SLCO4C1: variants seen among roughly 807,000 people sequenced by gnomAD.
SLCO4C1 encodes the protein solute carrier organic anion transporter family member 4C1, also known as organic anion transporter M1.
SLCO4C1 carries 58 observed loss-of-function variants against 72.1 expected under a neutral mutation model. That is an observed-to-expected ratio of 0.80 (90% CI 0.65 to 1.00). The LOEUF (loss-of-function observed/expected upper bound fraction) is 1.00. SLCO4C1 is among the 50% of genes least tolerant of loss of function. The pLI, the probability that SLCO4C1 is intolerant of heterozygous loss-of-function variation, is 0.00. For synonymous variants in SLCO4C1, 297 were observed against 312.5 expected (o/e 0.95, Z 0.52); for missense variants, 898 against 857.9 (o/e 1.05, Z -0.58).
chr5:102,277,179 T>C (rs1290258810), intron 2 of SLCO4C1, among the ~76,000 whole-genome samples: 1 of 151,134 alleles, frequency 6.6e-6, no homozygotes, highest in Non-Finnish European at 1.5e-5. Flanking sequence ...GGCAGAAAAA[T>C]TATACAGTAA....
At position 102,295,968 on chromosome 5, in the gene SLCO4C1, G is replaced by A. The variant is rs777183382; in HGVS notation, c.295C>T (p.Gln99Ter). Residue 99 changes from glutamine to a stop codon, truncating the protein, a stop_gained, in exon 1 of 13, where the codon CAG (glutamine) becomes TAG (stop). Transcript: ENST00000310954. LOFTEE classifies it high-confidence loss of function. ...AAGCCTCCAGGTGTGTTGCAGCGCT[G>A]GAGACATTGAGGATGGAAGTTCCTC... is the stretch of plus-strand genomic sequence containing the variant. ...GWRNFHPQCL[Q>*]RCNTPGGFLL... is the part of the protein sequence containing the mutation. 1 of 1,614,256 alleles carries A rather than the reference G, an allele frequency of 6.2e-7. No individual in the cohort carries two copies. Among genetic ancestry groups the A allele is most frequent in the Non-Finnish European group, 8.5e-7 (1 of 1,180,042 alleles).
chr5:102,234,520 T>C lies in SLCO4C1; in HGVS notation c.*2338A>G, dbSNP rs1405726149. The C allele has an allele frequency of 6.6e-6, 1 of 152,568 alleles. No individual in the cohort carries two copies. The allele number at this position is 152,568 out of a possible 1,614,324, so 9.5% of individuals were successfully genotyped here. A position where few individuals can be genotyped will look rare whatever the true frequency, so the allele number is the denominator to read the frequency against. On this transcript the variant is annotated 3_prime_UTR_variant, in exon 13 of 13. Transcript: ENST00000310954. ...AAGTATCACCTTATAAAACTGAGTA[T>C]ATAAAATACAATGCAGCCCTTGATA...
chr5:102,254,396 A>G (rs547381784), intron 8 of SLCO4C1, among the ~76,000 whole-genome samples: 6 of 152,152 alleles, frequency 3.9e-5, no homozygotes, highest in African/African-American at 4.8e-5. Context: ...ACCTTGCAAA[A>G]TTTCAAACTT....
chr5:102,275,885 G>A (rs1749238258), intron 2 of SLCO4C1, among the ~76,000 whole-genome samples: 1 of 151,996 alleles, frequency 6.6e-6, no homozygotes, highest in Non-Finnish European at 1.5e-5. Flanking sequence ...AAAAAGACTG[G>A]TTAGAATCAT....
chr5:102,270,716 AGTT>A lies in SLCO4C1; in HGVS notation c.707_709del (p.Gln236del), dbSNP rs1229789572. The A allele has an allele frequency of 6.2e-7, 1 of 1,613,120 alleles. No individual in the cohort carries two copies. Among genetic ancestry groups the A allele is most frequent in the Non-Finnish European group, 8.5e-7 (1 of 1,179,530 alleles). The stretch of plus-strand genomic sequence containing the variant: ...AGGAGTTCCTCCTGCCCCCAGCAAT[AGTT>A]GTCCCAAGATGAAGACATACAAGTA... On this transcript the variant is annotated inframe_deletion, in exon 3 of 13. Coordinates refer to ENST00000310954, the MANE Select transcript of SLCO4C1 (RefSeq NM_180991.5).
rs763817487 is a variant in SLCO4C1, at chr5:102,257,171, A to C, written c.1413T>G (p.Phe471Leu). ...GCTCATTTTCACATTTGGCATACAT[A>C]AATACAAAACTCAGCGTAAGTGCAA... is the stretch of plus-strand genomic sequence containing the variant. ...SGVALTLSFV[F>L]MYAKCENEPF... Residue 471 changes from phenylalanine (F) to leucine (L), a missense_variant, in exon 8 of 13, where the codon TTT (phenylalanine) becomes TTG (leucine). Coordinates refer to ENST00000310954, the MANE Select transcript of SLCO4C1 (RefSeq NM_180991.5). The C allele has an allele frequency of 6.2e-7, 1 of 1,606,256 alleles. No individual in the cohort carries two copies. The highest frequency in any genetic ancestry group is 2.3e-5 in the East Asian group (1 of 44,336).
intron 1 of SLCO4C1, among the ~76,000 whole-genome samples, chr5:102,293,571 T>A (rs1749594140): frequency 6.6e-6 from 1 of 152,218 alleles, no homozygotes; most frequent in African/African-American, 2.4e-5. Context: ...CTGGGTTAAA[T>A]AAACTCATTC....
At chr5:102,239,786 T>C (rs999932049) in intron 11 of SLCO4C1, among the ~76,000 whole-genome samples, 4 of 152,046 alleles carry the variant, frequency 2.6e-5, no homozygotes, top group Admixed American at 6.6e-5. Context: ...ATGTTGTATC[T>C]ATGTGGGTGT....
chr5:102,242,391 C>T (rs1748561718), intron 10 of SLCO4C1, among the ~76,000 whole-genome samples: 1 of 152,200 alleles, frequency 6.6e-6, no homozygotes, highest in African/African-American at 2.4e-5. Flanking sequence ...GGTATTACTC[C>T]TCCACTAATC....
chr5:102,257,325 G>T lies in SLCO4C1; in HGVS notation c.1274-15C>A, dbSNP rs770245407. The T allele has an allele frequency of 1.2e-5, 18 of 1,565,176 alleles. 1 individual carries two copies. Among genetic ancestry groups the T allele is most frequent in the Non-Finnish European group, 1.6e-5 (18 of 1,161,272 alleles). On this transcript the variant is annotated splice_polypyrimidine_tract_variant and intron_variant, in intron 7 of 12. Transcript: ENST00000310954. ...TAAAACAGCCCCTAATAAGAAAAAA[G>T]AATGTAGATTGTGAGAAACCATACA...
At chr5:102,295,283 A>G (rs1749627719) in intron 1 of SLCO4C1, among the ~76,000 whole-genome samples, 1 of 152,246 alleles carries the variant, frequency 6.6e-6, no homozygotes, top group Non-Finnish European at 1.5e-5. Context: ...CAGATGCTGG[A>G]TAACTAATGT....
intron 3 of SLCO4C1, among the ~76,000 whole-genome samples, chr5:102,269,555 C>T (rs1749110273): frequency 6.6e-6 from 1 of 152,206 alleles, no homozygotes; most frequent in African/African-American, 2.4e-5. Context: ...TGACATCTAT[C>T]TCTCTTGAAT....
At chr5:102,266,208 G>A (rs976190198) in intron 3 of SLCO4C1, among the ~76,000 whole-genome samples, 3 of 152,198 alleles carry the variant, frequency 2.0e-5, no homozygotes, top group East Asian at 3.9e-4. Flanking sequence ...TTTTGGTGGA[G>A]TCTTTAGATG....
chr5:102,245,972 TG>T (rs1162916014), intron 10 of SLCO4C1, among the ~76,000 whole-genome samples: 3 of 151,680 alleles, frequency 2.0e-5, no homozygotes, highest in Admixed American at 6.6e-5. Flanking sequence ...AGAAGAAAAT[TG>T]AAAAATTTAT....
At chr5:102,274,139 A>G (rs943813345) in intron 2 of SLCO4C1, among the ~76,000 whole-genome samples, 1 of 152,146 alleles carries the variant, frequency 6.6e-6, no homozygotes, top group Non-Finnish European at 1.5e-5. Context: ...ATAACACACC[A>G]TTTTATAGAA....
intron 2 of SLCO4C1, 129 bp downstream of exon 2, chr5:102,291,214 A>C (rs999390544): frequency 5.2e-5 from 49 of 943,920 alleles, no homozygotes; most frequent in Admixed American, 2.0e-4. Flanking sequence ...CACAATGAAC[A>C]AACCAGTGAG....
rs562197527 is a variant in SLCO4C1 at position 102,289,866 on chromosome 5, TACTTACCTAATAAGTGCACTTCTA to T, written c.619+1453_619+1476del. On this transcript the variant is annotated intron_variant, in intron 2 of 12. Transcript: ENST00000310954. ...CTATTTTTACTTCTAAAATGAAGCC[TACTTACCTAATAAGTGCACTTCTA>T]AAACCATGCTGTGTAATATATAATT... Among the ~76,000 whole-genome samples, 567 of 152,354 alleles carry T rather than the reference TACTTACCTAATAAGTGCACTTCTA, an allele frequency of 3.7e-3. 2 individuals carry two copies. The highest frequency in any genetic ancestry group is 0.013 in the African/African-American group (546 of 41,588).
At chr5:102,262,768 AT>A (rs1580252274) in intron 4 of SLCO4C1, among the ~76,000 whole-genome samples, 1 of 152,128 alleles carries the variant, frequency 6.6e-6, no homozygotes, top group East Asian at 1.9e-4. Context: ...AACTCCTGTA[AT>A]TTTCCACTGA....
chr5:102,260,351 TATATATTATACATATA>T (rs1748916524), intron 5 of SLCO4C1, 32 bp from the exon 6 acceptor site: 2 of 266,486 alleles, frequency 7.5e-6, no homozygotes, highest in Non-Finnish European at 1.2e-5. Flanking sequence ...ATATATAATA[TATATATTATACATATA>T]ATATATTATA....
Sources: gnomAD v4.1 joint callset for allele counts (sites outside exome capture counted in the v4.1 genomes callset) on GRCh38, gnomAD v4.1.1 for gene constraint, MANE v1.5 for transcripts, NCBI Gene and HGNC (gene_info 2026-07-23, HGNC 2026-07-21) for gene names.